The following KIF9 variants were observed in gnomAD, a reference collection of about 807,000 sequenced individuals.
KIF9 encodes the protein kinesin family member 9, also known as kinesin-like protein KIF9.
KIF9 carries 68 observed loss-of-function variants against 94.8 expected under a neutral mutation model. The observed-to-expected ratio is 0.72, with a 90% CI of 0.59 to 0.88. The LOEUF (loss-of-function observed/expected upper bound fraction) is 0.88. Ranked by LOEUF, KIF9 falls within the 40% of genes least tolerant of loss-of-function variation. The probability of loss-of-function intolerance (pLI) is 0.00; values close to 1 mark genes in which losing one functional copy is unlikely to be tolerated. For synonymous variants in KIF9, 343 were observed against 362.1 expected (o/e 0.95, Z 0.60); for missense variants, 882 against 982.5 (o/e 0.90, Z 1.37).
chr3:47,234,782 C>G (rs1420142740), intron 20 of KIF9, among the ~76,000 whole-genome samples: 1 of 151,110 alleles, frequency 6.6e-6, no homozygotes, highest in Non-Finnish European at 1.5e-5. Context: ...TCTTGAACTC[C>G]TGACCTCAAG....
rs752174648 is a variant in KIF9 at position 47,248,032 on chromosome 3, T to C, written c.1114A>G (p.Ile372Val). 2 of 1,613,386 alleles carry C rather than the reference T, an allele frequency of 1.2e-6. No individual in the cohort carries two copies. Among genetic ancestry groups the C allele is most frequent in the East Asian group, 2.2e-5 (1 of 44,856 alleles). ...TAGCCTCTTACCAGGCTGTCATGGA[T>C]AGCCAGCTCCTGCTTGAGTAGTGCT... Reference protein sequence around the residue: ...ELALLKQELAIHDSLTNRTFV... With the variant: ...ELALLKQELAVHDSLTNRTFV... Residue 372 changes from isoleucine to valine, a missense_variant, in exon 11 of 21, where the codon ATC (isoleucine) becomes GTC (valine). Coordinates refer to ENST00000684063, the MANE Select transcript of KIF9 (RefSeq NM_182902.4).
At chr3:47,246,077 C>T (rs1699906144) in intron 13 of KIF9, 120 bp downstream of exon 13, 4 of 795,628 alleles carry the variant, frequency 5.0e-6, no homozygotes, top group Non-Finnish European at 4.1e-6. Context: ...CCCCCAAGGA[C>T]TCTGATTTGG....
Position 47,247,441 on chromosome 3 carries a change from C to A in KIF9, c.1165G>T (p.Glu389Ter). ...GAGTTGATCTCAGCAATCTGGATTT[C>A]ATCCATGGGGTCATAGGTCACAAAG... ...RTFVTYDPMDEIQIAEINSQV... is the reference protein window; with the variant it reads ...RTFVTYDPMD The change falls in exon 12 of 21, where the codon GAA becomes TAA. Residue 389 changes from glutamate (E) to a stop codon, truncating the protein, a stop_gained. Transcript: ENST00000684063. LOFTEE classifies it high-confidence loss of function. The A allele has an allele frequency of 6.2e-7, 1 of 1,613,966 alleles. No homozygotes were observed. The highest frequency in any genetic ancestry group is 8.5e-7 in the Non-Finnish European group (1 of 1,179,824).
intron 19 of KIF9, 102 bp from the exon 20 acceptor site, chr3:47,235,719 C>T: frequency 1.2e-6 from 1 of 865,258 alleles, no homozygotes. Context: ...GTGCCACACA[C>T]CGCCCCACCG....
chr3:47,244,934 G>A lies in KIF9; in HGVS notation c.1381-10C>T, dbSNP rs1326695437. 2 of 1,613,876 alleles carry A rather than the reference G, an allele frequency of 1.2e-6. No individual in the cohort carries two copies. Among genetic ancestry groups the A allele is most frequent in the African/African-American group, 1.3e-5 (1 of 74,930 alleles). On this transcript the variant is annotated splice_polypyrimidine_tract_variant and intron_variant, in intron 14 of 20. Transcript: ENST00000684063. ...CATCCACAAGCCCCGCCTACATAGA[G>A]AGGCCAGCCAAAGGTCTGTGAGTTA...
At chr3:47,244,948 G>A (rs758673324) in intron 14 of KIF9, 24 bp from the exon 15 acceptor site, 2 of 1,613,442 alleles carry the variant, frequency 1.2e-6, no homozygotes, top group South Asian at 1.1e-5. Flanking sequence ...CCAGCCAAAG[G>A]TCTGTGAGTT....
At chr3:47,274,538 C>A (rs1701841916) in intron 3 of KIF9, among the ~76,000 whole-genome samples, 1 of 152,232 alleles carries the variant, frequency 6.6e-6, no homozygotes, top group Non-Finnish European at 1.5e-5. Flanking sequence ...TTTACACAAG[C>A]GATCCTGATT....
At position 47,267,033 on chromosome 3, in the gene KIF9, G is replaced by A. The variant is rs1483085614; in HGVS notation, c.711C>T (p.Ile237=). The part of the protein sequence containing the change: ...HSRTLSEEKY[I]TSKINLVDLA... The stretch of plus-strand genomic sequence containing the variant: ...GATCCACCAAGTTAATTTTGGAAGT[G>A]ATGTACTTTTCCTCTGATAAGGTCC... The change falls in exon 7 of 21, where the codon ATC becomes ATT. Residue 237 remains isoleucine, a synonymous_variant. Transcript: ENST00000684063. The A allele has an allele frequency of 6.2e-7, 1 of 1,613,906 alleles. No individual in the cohort carries two copies. The highest frequency in any genetic ancestry group is 8.5e-7 in the Non-Finnish European group (1 of 1,180,014).
chr3:47,277,317 C>T lies in KIF9; in HGVS notation c.58G>A (p.Ala20Thr). The change falls in exon 2 of 21, where the codon GCT becomes ACT. Residue 20 changes from alanine to threonine, a missense_variant. Coordinates refer to ENST00000684063, the MANE Select transcript of KIF9 (RefSeq NM_182902.4). ...FVRVKPTDDF[A>T]HEMIRYGDDK... Reference sequence around the variant, plus strand: ...TCTCCGTATCTGATCATTTCATGAGCAAAGTCATCGGTGGGTTTGACACGG... The same window carrying T: ...TCTCCGTATCTGATCATTTCATGAGTAAAGTCATCGGTGGGTTTGACACGG... 3.7e-6 allele frequency: 6 copies of T among 1,614,004 alleles called. No individual in the cohort carries two copies. Among genetic ancestry groups the T allele is most frequent in the Non-Finnish European group, 4.2e-6 (5 of 1,179,954 alleles).
intron 18 of KIF9, 27 bp from the exon 19 acceptor site, chr3:47,236,176 T>C: frequency 6.5e-7 from 1 of 1,544,970 alleles, no homozygotes; most frequent in Non-Finnish European, 9.0e-7. Flanking sequence ...AGACAGAACT[T>C]GAGGAAGCCG....
In KIF9 at chr3:47,243,207, T is replaced by C. The variant is rs1232173852; in HGVS notation, c.1553A>G (p.Asn518Ser). 4.3e-6 allele frequency: 7 copies of C among 1,612,764 alleles called. No homozygotes were observed. In the African/African-American group the frequency reaches 5.3e-5, roughly 12 times the overall value. ...GGAAACGTAATCCAAGTCCTTCCCA[T>C]TCACAGGGCTGCTGGCACCTTCCTT... is the stretch of plus-strand genomic sequence containing the variant. ...ARKEGASSPV[N>S]GKDLDYVSTS... is the part of the protein sequence containing the mutation. Residue 518 changes from asparagine (N) to serine (S), a missense_variant, in exon 16 of 21, where the codon AAT becomes AGT. By Grantham distance (46) the Asn-to-Ser change is conservative (BLOSUM62 1). Transcript: ENST00000684063.
intron 6 of KIF9, 46 bp from the exon 7 acceptor site, chr3:47,267,114 T>G (rs1242969355): frequency 1.2e-6 from 2 of 1,605,498 alleles, no homozygotes; most frequent in African/African-American, 1.3e-5. Flanking sequence ...GGGAGAAGTT[T>G]CTGACTGAGC....
chr3:47,278,366 G>A (rs562921737), intron 1 of KIF9, among the ~76,000 whole-genome samples: 7 of 151,972 alleles, frequency 4.6e-5, no homozygotes, highest in Non-Finnish European at 8.8e-5. Flanking sequence ...ATACCCAGCC[G>A]ATGTTCAATA....
intron 10 of KIF9, among the ~76,000 whole-genome samples, chr3:47,251,668 G>T (rs1198736780): frequency 6.6e-6 from 1 of 152,228 alleles, no homozygotes; most frequent in Non-Finnish European, 1.5e-5. Context: ...CATTATAAAT[G>T]TAATGAGGAT....
At chr3:47,241,646 T>C (rs1463396133) in intron 16 of KIF9, among the ~76,000 whole-genome samples, 11 of 144,406 alleles carry the variant, frequency 7.6e-5, no homozygotes, top group African/African-American at 2.3e-4. Context: ...TGTGTGTGTG[T>C]GTGTATATAT....
chr3:47,255,680 A>T (rs2107327003), intron 10 of KIF9, among the ~76,000 whole-genome samples: 1 of 151,938 alleles, frequency 6.6e-6, no homozygotes, highest in East Asian at 1.9e-4. Context: ...GAGCCTGAAG[A>T]TGCCCTTTTT....
rs779204223 is a variant in KIF9, at chr3:47,243,296, C to A, written c.1515-51G>T. On this transcript the variant is annotated intron_variant, in intron 15 of 20. Coordinates refer to ENST00000684063, the MANE Select transcript of KIF9 (RefSeq NM_182902.4). Reference sequence around the variant, plus strand: ...GGTTCAGTCATGGACAGTGAGTTATCAGATGCCAGGATGAGTGACCTTTCT... The same window carrying A: ...GGTTCAGTCATGGACAGTGAGTTATAAGATGCCAGGATGAGTGACCTTTCT... The A allele has an allele frequency of 2.0e-6, 3 of 1,482,724 alleles. No homozygotes were observed. In the South Asian group the frequency reaches 3.8e-5, roughly 19 times the overall value. The allele number at this position is 1,482,724 out of a possible 1,614,324, so 91.8% of individuals were successfully genotyped here.
chr3:47,274,645 T>C (rs1159889681), intron 3 of KIF9, among the ~76,000 whole-genome samples: 1 of 152,222 alleles, frequency 6.6e-6, no homozygotes, highest in Non-Finnish European at 1.5e-5. Context: ...CATTTGTGGT[T>C]CCACAGCACC....
At position 47,246,204 on chromosome 3, in the gene KIF9, C is replaced by T; in HGVS notation, c.1282G>A (p.Val428Ile). The T allele has an allele frequency of 1.2e-6, 2 of 1,613,442 alleles. No individual in the cohort carries two copies. Among genetic ancestry groups the T allele is most frequent in the Non-Finnish European group, 1.7e-6 (2 of 1,179,630 alleles). ...GGGGTGGGGGTCTCTCACCTCAGAA[C>T]CACCCGGAACTGGTTGAACACCTCC... ...IKEVFNQFRV[V>I]LSQQEQEVES... The change falls in exon 13 of 21, where the codon GTT becomes ATT. Residue 428 changes from valine (V) to isoleucine (I), a missense_variant. Val to Ile is a conservative substitution (Grantham distance 29). Transcript: ENST00000684063.
Sources: gnomAD v4.1 joint callset for allele counts (sites outside exome capture counted in the v4.1 genomes callset) on GRCh38, gnomAD v4.1.1 for gene constraint, MANE v1.5 for transcripts, NCBI Gene and HGNC (gene_info 2026-07-23, HGNC 2026-07-21) for gene names.